The following RALYL variants were observed in gnomAD, a reference collection of about 807,000 sequenced individuals.
RALYL encodes the protein RNA-binding Raly-like protein.
In RALYL, 29 loss-of-function variants were observed where a neutral mutation model predicts 35.1. The observed-to-expected ratio is 0.83, with a 90% CI of 0.61 to 1.13. The LOEUF (loss-of-function observed/expected upper bound fraction) is 1.13, where lower values mean the gene tolerates loss of function less well. Among genes scored for constraint, RALYL ranks in the 50% most tolerant of loss-of-function variants. The pLI is 0.00. For synonymous variants in RALYL, 120 were observed against 127.6 expected, an observed-to-expected ratio of 0.94 and a Z score of 0.40; for missense variants, 359 against 360.4, an observed-to-expected ratio of 1.00 and a Z score of 0.03.
chr8:84,768,749 T>A (rs1018033090), intron 2 of RALYL, among the ~76,000 whole-genome samples: 1 of 152,336 alleles, frequency 6.6e-6, no homozygotes, highest in East Asian at 1.9e-4. Flanking sequence ...TCGGCGACCA[T>A]CTGTATTTAA....
At chr8:84,682,448 C>T (rs950490083) in intron 2 of RALYL, among the ~76,000 whole-genome samples, 4 of 152,092 alleles carry the variant, frequency 2.6e-5, no homozygotes, top group Non-Finnish European at 2.9e-5. Context: ...TGGTAGAATT[C>T]GGCTGCGAAT....
intron 1 of RALYL, among the ~76,000 whole-genome samples, chr8:84,401,824 C>CTTT (rs747272137): frequency 1.4e-5 from 2 of 144,280 alleles, no homozygotes; most frequent in South Asian, 2.2e-4. Flanking sequence ...TGCAGTAAAA[C>CTTT]TTTTTTTTTT....
intron 1 of RALYL, among the ~76,000 whole-genome samples, chr8:84,204,492 G>C (rs575763245): frequency 1.2e-3 from 190 of 152,242 alleles, no homozygotes; most frequent in Non-Finnish European, 2.2e-3. Flanking sequence ...ATTACTGCCT[G>C]CTGGTTCTAC....
chr8:84,446,411 A>C (rs1407762326), intron 1 of RALYL, among the ~76,000 whole-genome samples: 2 of 151,972 alleles, frequency 1.3e-5, no homozygotes, highest in Non-Finnish European at 2.9e-5. Context: ...CAGAATCGTT[A>C]TATTCATGGA....
At position 84,603,846 on chromosome 8, in the gene RALYL, G is replaced by A. The variant is rs1484896162; in HGVS notation, c.256+74269G>A. Among the ~76,000 whole-genome samples the A allele has an allele frequency of 2.0e-5, 3 of 152,088 alleles. 1 individual carries two copies. The highest frequency in any genetic ancestry group is 1.3e-4 in the Admixed American group (2 of 15,252). On this transcript the variant is annotated intron_variant, in intron 2 of 8. Coordinates refer to ENST00000521268, the MANE Select transcript of RALYL (RefSeq NM_173848.7). ...ACTTCATGAAGGTGTCTGCTAAAAT[G>A]TCACTTCCTGAAAAATGTTTTTCCT...
intron 1 of RALYL, among the ~76,000 whole-genome samples, chr8:84,397,677 A>T (rs1024830778): frequency 6.6e-6 from 1 of 152,196 alleles, no homozygotes; most frequent in Non-Finnish European, 1.5e-5. Flanking sequence ...ATGACTTAAG[A>T]ATAAGACATT....
At chr8:84,829,016 C>T (rs903250573) in intron 4 of RALYL, 4 of 151,928 alleles carry the variant, frequency 2.6e-5, no homozygotes, top group East Asian at 3.9e-4. Flanking sequence ...AAGAAACACC[C>T]GAGACTGGGT....
intron 2 of RALYL, among the ~76,000 whole-genome samples, chr8:84,662,418 G>C (rs773740740): frequency 2.0e-5 from 3 of 152,088 alleles, no homozygotes; most frequent in Admixed American, 2.0e-4. Context: ...ATTTAATAAT[G>C]ATTTTATGAA....
At chr8:84,189,497 A>G (rs1285867481) in intron 1 of RALYL, among the ~76,000 whole-genome samples, 1 of 152,190 alleles carries the variant, frequency 6.6e-6, no homozygotes, top group Non-Finnish European at 1.5e-5. Context: ...TCATTAAATC[A>G]AGATGAGAGG....
chr8:84,447,179 G>A (rs1003375791), intron 1 of RALYL, among the ~76,000 whole-genome samples: 1 of 151,940 alleles, frequency 6.6e-6, no homozygotes, highest in Non-Finnish European at 1.5e-5. Context: ...TGTTTTTTAT[G>A]ACCTATGTAA....
chr8:84,313,892 C>G (rs1479839563), intron 1 of RALYL, among the ~76,000 whole-genome samples: 1 of 152,178 alleles, frequency 6.6e-6, no homozygotes, highest in African/African-American at 2.4e-5. Context: ...TCCACATTTT[C>G]AAGTTATCTT....
chr8:84,217,237 T>G (rs2131256540), intron 1 of RALYL, among the ~76,000 whole-genome samples: 1 of 152,262 alleles, frequency 6.6e-6, no homozygotes, highest in Middle Eastern at 3.4e-3. Flanking sequence ...TTTTGCATTT[T>G]AATTTGCTGT....
chr8:84,810,206 G>A (rs1825603091), intron 4 of RALYL, among the ~76,000 whole-genome samples: 1 of 152,062 alleles, frequency 6.6e-6, no homozygotes, highest in African/African-American at 2.4e-5. Flanking sequence ...TCAGTTCAAA[G>A]AATTTTTAAA....
chr8:84,310,121 C>G lies in RALYL; in HGVS notation c.-24+125697C>G, dbSNP rs866512958. Among the ~76,000 whole-genome samples, 21 of 152,074 alleles carry G rather than the reference C, an allele frequency of 1.4e-4. 1 individual carries two copies. In the Middle Eastern group the frequency reaches 0.014, roughly 99 times the overall value. ...TGGAGTGCAATGGCATGATAGCTCACTGCAAGCTCTGCCTCCCTGGTTGAA... is the reference window on the plus strand; with the variant it reads ...TGGAGTGCAATGGCATGATAGCTCAGTGCAAGCTCTGCCTCCCTGGTTGAA... On this transcript the variant is annotated intron_variant, in intron 1 of 8. Transcript: ENST00000521268.
At chr8:84,655,301 T>TTTG (rs375505084) in intron 2 of RALYL, among the ~76,000 whole-genome samples, 8 of 152,046 alleles carry the variant, frequency 5.3e-5, no homozygotes, top group African/African-American at 1.9e-4. Flanking sequence ...AGGGTTTTTT[T>TTTG]TTTGTTTTTG....
intron 2 of RALYL, among the ~76,000 whole-genome samples, chr8:84,675,490 A>G (rs1000375109): frequency 1.3e-5 from 2 of 152,200 alleles, no homozygotes; most frequent in African/African-American, 4.8e-5. Context: ...CAAAAAGATA[A>G]AAATTAGTTT....
chr8:84,648,694 C>T (rs1828029119), intron 2 of RALYL, among the ~76,000 whole-genome samples: 1 of 151,504 alleles, frequency 6.6e-6, no homozygotes, highest in South Asian at 2.1e-4. Context: ...CTCATGTTTT[C>T]TAATCATAAA....
intron 2 of RALYL, among the ~76,000 whole-genome samples, chr8:84,697,516 C>A (rs1457380849): frequency 6.6e-6 from 1 of 152,048 alleles, no homozygotes; most frequent in Non-Finnish European, 1.5e-5. Flanking sequence ...CAAATATTAT[C>A]ATTTCAGTGG....
intron 2 of RALYL, among the ~76,000 whole-genome samples, chr8:84,617,155 G>A (rs903512836): frequency 1.3e-5 from 2 of 150,274 alleles, no homozygotes; most frequent in African/African-American, 5.0e-5. Flanking sequence ...TGATGGGGAT[G>A]GCATTGAATC....
Sources: gnomAD v4.1 joint callset for allele counts (sites outside exome capture counted in the v4.1 genomes callset) on GRCh38, gnomAD v4.1.1 for gene constraint, MANE v1.5 for transcripts, NCBI Gene and HGNC (gene_info 2026-07-23, HGNC 2026-07-21) for gene names.